Variants in NEDD4 observed in about 807,000 individuals in gnomAD.
NEDD4 encodes the protein NEDD4 E3 ubiquitin protein ligase.
Under a neutral mutation model 144.9 loss-of-function variants are expected in NEDD4, and 99 were observed. The observed-to-expected ratio is 0.68, with a 90% CI of 0.58 to 0.81. The LOEUF is 0.81. NEDD4 is among the 30% of genes least tolerant of loss of function. The pLI is 0.00. For synonymous variants in NEDD4, 318 were observed against 350.6 expected, an observed-to-expected ratio of 0.91 and a Z score of 1.04; for missense variants, 985 against 1,065.9, an observed-to-expected ratio of 0.92 and a Z score of 1.06.
intron 1 of NEDD4, among the ~76,000 whole-genome samples, chr15:55,992,856 T>C (rs1056255150): frequency 6.6e-6 from 1 of 152,214 alleles, no homozygotes; most frequent in Non-Finnish European, 1.5e-5. Context: ...GTATTTATAC[T>C]TTTTTGGCTT....
intron 5 of NEDD4, 99 bp from the exon 6 acceptor site, chr15:55,874,107 T>A (rs1204515206): frequency 1.6e-6 from 1 of 633,682 alleles, no homozygotes. Context: ...ATGTAGAGTT[T>A]TTTTTTTATT....
At chr15:55,905,989 CTCAA>C (rs2036077980) in intron 5 of NEDD4, among the ~76,000 whole-genome samples, 1 of 152,172 alleles carries the variant, frequency 6.6e-6, no homozygotes. Context: ...ACAGACACTT[CTCAA>C]AAGAAGACAT....
rs566512157 is a variant in NEDD4, at chr15:55,983,487, T to C, written c.45+10024A>G. Among the ~76,000 whole-genome samples the C allele has an allele frequency of 1.5e-3, 228 of 151,666 alleles. 1 individual carries two copies. The highest frequency in any genetic ancestry group is 5.4e-3 in the African/African-American group (221 of 41,284). On this transcript the variant is annotated intron_variant, in intron 1 of 28. Coordinates refer to ENST00000435532, the MANE Select transcript of NEDD4 (RefSeq NM_006154.4). ...ATCCCATCTTTTGCACATGTGGTTC[T>C]ATTTACTCAATGGGGTTCTATTGCC...
At chr15:55,916,503 T>C in intron 5 of NEDD4, 2 of 1,614,096 alleles carry the variant, frequency 1.2e-6, no homozygotes, top group Middle Eastern at 3.3e-4. Flanking sequence ...CGAAGCATCA[T>C]CACTATCAGC....
chr15:55,893,635 T>C (rs1400205054), intron 5 of NEDD4, among the ~76,000 whole-genome samples: 1 of 151,550 alleles, frequency 6.6e-6, no homozygotes, highest in Non-Finnish European at 1.5e-5. Context: ...CACATGATAT[T>C]CGCACATGAG....
intron 24 of NEDD4, among the ~76,000 whole-genome samples, 157 bp from the exon 25 acceptor site, chr15:55,834,443 A>T (rs1222994962): frequency 6.6e-6 from 1 of 152,174 alleles, no homozygotes; most frequent in African/African-American, 2.4e-5. Flanking sequence ...TTGGCCAGAA[A>T]ATGTACATGT....
At chr15:55,928,944 C>T (rs1190523241) in intron 4 of NEDD4, among the ~76,000 whole-genome samples, 2 of 152,144 alleles carry the variant, frequency 1.3e-5, no homozygotes, top group African/African-American at 4.8e-5. Flanking sequence ...AAAACATGAA[C>T]ATAAACAGCT....
At chr15:55,967,706 T>TA (rs796939323) in intron 1 of NEDD4, among the ~76,000 whole-genome samples, 1 of 147,068 alleles carries the variant, frequency 6.8e-6, no homozygotes, top group Non-Finnish European at 1.5e-5. Flanking sequence ...ATAAGAAATA[T>TA]AAAAAAACTT....
intron 5 of NEDD4, among the ~76,000 whole-genome samples, chr15:55,907,759 T>C (rs1340303560): frequency 6.6e-6 from 1 of 152,230 alleles, no homozygotes; most frequent in Non-Finnish European, 1.5e-5. Context: ...GAAGTCATTT[T>C]ATAAAACAAC....
intron 4 of NEDD4, among the ~76,000 whole-genome samples, chr15:55,945,697 A>G (rs184665572): frequency 1.3e-5 from 2 of 152,122 alleles, no homozygotes; most frequent in African/African-American, 2.4e-5. Flanking sequence ...CAACCCCAAG[A>G]CACATAATTG....
intron 4 of NEDD4, among the ~76,000 whole-genome samples, chr15:55,944,588 T>A (rs144062955): frequency 1.3e-5 from 2 of 152,166 alleles, no homozygotes; most frequent in African/African-American, 4.8e-5. Flanking sequence ...CAGCAGAAAC[T>A]TCTACAGACT....
chr15:55,948,779 C>A (rs1295275811), intron 4 of NEDD4, among the ~76,000 whole-genome samples: 1 of 152,122 alleles, frequency 6.6e-6, no homozygotes, highest in Non-Finnish European at 1.5e-5. Context: ...AGATCCCTTC[C>A]TTACACCTTA....
intron 1 of NEDD4, among the ~76,000 whole-genome samples, chr15:55,984,774 C>G (rs1349007820): frequency 1.3e-5 from 2 of 152,184 alleles, no homozygotes; most frequent in Non-Finnish European, 2.9e-5. Context: ...TTCATTTATC[C>G]TCTTAAACTT....
intron 13 of NEDD4, 39 bp from the exon 14 acceptor site, chr15:55,850,781 A>C (rs767471114): frequency 6.4e-7 from 1 of 1,560,464 alleles, no homozygotes. Flanking sequence ...TATTTTATAG[A>C]GAGAACTCAC....
intron 4 of NEDD4, among the ~76,000 whole-genome samples, chr15:55,945,100 C>T (rs1234499926): frequency 1.3e-5 from 2 of 152,094 alleles, no homozygotes; most frequent in East Asian, 1.9e-4. Flanking sequence ...CAGAGCGCAT[C>T]TTCTCCTCCA....
In NEDD4 at chr15:55,837,858, AAAC is replaced by A; in HGVS notation, c.2202-12_2202-10del. The A allele has an allele frequency of 7.5e-6, 12 of 1,601,620 alleles. No homozygotes were observed. Among genetic ancestry groups the A allele is most frequent in the East Asian group, 2.2e-5 (1 of 44,750 alleles). The stretch of plus-strand genomic sequence containing the variant: ...GCCATTGTATTACAAGACTAAAAAG[AAAC>A]AACATTTCATTTTCATGTGAACCAA... On this transcript the variant is annotated splice_polypyrimidine_tract_variant and intron_variant, in intron 23 of 28. Coordinates refer to ENST00000435532, the MANE Select transcript of NEDD4 (RefSeq NM_006154.4).
intron 27 of NEDD4, among the ~76,000 whole-genome samples, chr15:55,832,105 T>C (rs2032977839): frequency 6.6e-6 from 1 of 151,358 alleles, no homozygotes; most frequent in Non-Finnish European, 1.5e-5. Context: ...TCAAGAGATA[T>C]GTAGTCTTCC....
chr15:55,851,502 G>A (rs577201825), intron 13 of NEDD4, among the ~76,000 whole-genome samples: 1 of 151,104 alleles, frequency 6.6e-6, no homozygotes, highest in South Asian at 2.1e-4. Flanking sequence ...TTCAGATGGA[G>A]TTTCGCTCTT....
chr15:55,934,220 G>A (rs1057195009), intron 4 of NEDD4, among the ~76,000 whole-genome samples: 12 of 152,198 alleles, frequency 7.9e-5, no homozygotes, highest in Non-Finnish European at 1.8e-4. Flanking sequence ...TGAGCAGTGT[G>A]AGAATGGGCT....
Sources: allele counts gnomAD v4.1 joint callset (sites outside exome capture counted in the v4.1 genomes callset), GRCh38; gene constraint gnomAD v4.1.1; transcripts MANE v1.5; gene names NCBI Gene and HGNC (gene_info 2026-07-23, HGNC 2026-07-21).